SYNE3: variants seen among roughly 807,000 people sequenced by gnomAD.
SYNE3 encodes the protein nesprin-3.
SYNE3 carries 100 observed loss-of-function variants against 111.2 expected under a neutral mutation model. The observed-to-expected ratio is 0.90, with a 90% CI of 0.77 to 1.06. The LOEUF (loss-of-function observed/expected upper bound fraction) is 1.06, where lower values mean the gene tolerates loss of function less well. SYNE3 is among the 50% of genes least tolerant of loss of function. The probability of loss-of-function intolerance (pLI) is 0.00; values close to 1 mark genes in which losing one functional copy is unlikely to be tolerated. For synonymous variants in SYNE3, 547 were observed against 533.9 expected (o/e 1.02, Z -0.34); for missense variants, 1,160 against 1,240.3 (o/e 0.94, Z 0.97).
Position 95,450,004 on chromosome 14 carries a change from G to T in SYNE3, c.1376C>A (p.Ala459Asp), listed in dbSNP as rs1419662487. 2 of 1,555,928 alleles carry T rather than the reference G, an allele frequency of 1.3e-6. No individual in the cohort carries two copies. Among genetic ancestry groups the T allele is most frequent in the Non-Finnish European group, 1.7e-6 (2 of 1,149,594 alleles). Residue 459 changes from alanine to aspartate, a missense_variant, in exon 8 of 18, where the codon GCC becomes GAC. Coordinates refer to ENST00000682763, the MANE Select transcript of SYNE3 (RefSeq NM_152592.6). ...LQDLQLWKALAQRLLEVTASL... is the reference protein window; with the variant it reads ...LQDLQLWKALDQRLLEVTASL... ...GGCAGTGACCTCCAAGAGCCGCTGG[G>T]CCAGGGCCTTCCACAGCTGCAGATC...
At chr14:95,435,584 A>T (rs1886040458) in intron 15 of SYNE3, among the ~76,000 whole-genome samples, 1 of 152,216 alleles carries the variant, frequency 6.6e-6, no homozygotes, top group African/African-American at 2.4e-5. Context: ...AGTAGAAAAA[A>T]ATACAAGTAA....
chr14:95,496,862 A>G (rs377648553), intron 1 of SYNE3, among the ~76,000 whole-genome samples: 2 of 152,350 alleles, frequency 1.3e-5, no homozygotes, highest in South Asian at 2.1e-4. Flanking sequence ...TCTTCCAGCC[A>G]TGAAGCAGCA....
At chr14:95,445,264 T>G (rs1308126491) in intron 9 of SYNE3, among the ~76,000 whole-genome samples, 1 of 152,202 alleles carries the variant, frequency 6.6e-6, no homozygotes, top group Non-Finnish European at 1.5e-5. Flanking sequence ...ATATGGACCA[T>G]GAGCCACCTT....
In SYNE3 at chr14:95,440,056, C is replaced by G; in HGVS notation, c.1931G>C (p.Arg644Pro). 3 of 1,605,424 alleles carry G rather than the reference C, an allele frequency of 1.9e-6. No homozygotes were observed. The highest frequency in any genetic ancestry group is 2.2e-5 in the South Asian group (2 of 90,952). The change falls in exon 12 of 18, where the codon CGG becomes CCG. Residue 644 changes from arginine to proline, a missense_variant. Coordinates refer to ENST00000682763, the MANE Select transcript of SYNE3 (RefSeq NM_152592.6). ...GGTGCAGTGCTCCTGCACACTCTGC[C>G]GACACCTGTCCACAAGGTCCTGCAG... is the stretch of plus-strand genomic sequence containing the variant. ...RSLEDLVDRC[R>P]QSVQEHCTFS... is the part of the protein sequence containing the mutation.
chr14:95,467,838 C>A lies in SYNE3; in HGVS notation c.274G>T (p.Ala92Ser), dbSNP rs35481769. ...TAGGTGACTGTCTCCTCCCATTGGG[C>A]CTTGATGTCCTTCAGCCGGGCCAGG... ...GILARLKDIK[A>S]QWEETVTYMT... The change falls in exon 3 of 18, where the codon GCC becomes TCC. Residue 92 changes from alanine (A) to serine (S), a missense_variant. By Grantham distance (99) the Ala-to-Ser change is moderately conservative (BLOSUM62 1). Coordinates refer to ENST00000682763, the MANE Select transcript of SYNE3 (RefSeq NM_152592.6). The A allele has an allele frequency of 3.9e-3, 6,281 of 1,614,202 alleles. 18 individuals are homozygous for A. The highest frequency in any genetic ancestry group is 6.6e-3 in the Middle Eastern group (40 of 6,062).
At chr14:95,452,062 G>T in intron 7 of SYNE3, 185 bp downstream of exon 7, 1 of 651,764 alleles carries the variant, frequency 1.5e-6, no homozygotes, top group Non-Finnish European at 2.3e-6. Context: ...GGGAGCAAAT[G>T]CAAAACAGTC....
At chr14:95,483,721 A>G (rs1449747027) in intron 1 of SYNE3, among the ~76,000 whole-genome samples, 1 of 152,158 alleles carries the variant, frequency 6.6e-6, no homozygotes, top group East Asian at 1.9e-4. Context: ...CAAAGTGAGG[A>G]GCAATTACTG....
rs115439053 is a variant in SYNE3, at chr14:95,470,155, G to C, written c.145-2188C>G. Among the ~76,000 whole-genome samples the C allele has an allele frequency of 0.023, 3,506 of 152,226 alleles. 139 individuals carry two copies. Among genetic ancestry groups the C allele is most frequent in the African/African-American group, 0.08 (3,336 of 41,512 alleles). ...CCCGAGTCCCTCTCAGCAGCGAGCAGTGATGGGGAAAACAAAAGTACCATA... is the reference window on the plus strand; with the variant it reads ...CCCGAGTCCCTCTCAGCAGCGAGCACTGATGGGGAAAACAAAAGTACCATA... On this transcript the variant is annotated intron_variant, in intron 2 of 17. Transcript: ENST00000682763. This position sits in a 1 kb window ranked among gnomAD's most constrained non-coding sequence, Gnocchi z 4.2.
intron 1 of SYNE3, among the ~76,000 whole-genome samples, chr14:95,512,057 C>T (rs1890741328): frequency 6.6e-6 from 1 of 152,160 alleles, no homozygotes; most frequent in African/African-American, 2.4e-5. Context: ...CTTTAAAAAT[C>T]CTGTTGATCA....
chr14:95,460,620 TG>T (rs1348238551), intron 4 of SYNE3, among the ~76,000 whole-genome samples: 1 of 95,670 alleles, frequency 1.0e-5, no homozygotes, highest in Non-Finnish European at 2.0e-5. Context: ...AATCTGAAAG[TG>T]GAGCAAGCGA....
At position 95,410,852 on chromosome 14, in the gene SYNE3, C is replaced by G. The variant is rs780676329; in HGVS notation, c.*6974G>C. ...AATATTTCAGGGAGCACTGAACGCT[C>G]CAGGGCTGACTTCCCTCCTTACCAA... is the stretch of plus-strand genomic sequence containing the variant. On this transcript the variant is annotated 3_prime_UTR_variant, in exon 18 of 18. Transcript: ENST00000682763. The G allele has an allele frequency of 6.6e-6, 1 of 152,182 alleles. No homozygotes were observed. The highest frequency in any genetic ancestry group is 2.4e-5 in the African/African-American group (1 of 41,432). 9.4% of individuals were successfully genotyped at this position (152,182 alleles called of 1,614,324 possible).
intron 3 of SYNE3, among the ~76,000 whole-genome samples, chr14:95,467,573 A>ATT: frequency 6.6e-6 from 1 of 152,334 alleles, no homozygotes; most frequent in South Asian, 2.1e-4. Context: ...TCTCTTAGGA[A>ATT]TTGTTGACAA....
intron 1 of SYNE3, among the ~76,000 whole-genome samples, chr14:95,478,376 G>A (rs1889018990): frequency 6.6e-6 from 1 of 152,182 alleles, no homozygotes; most frequent in African/African-American, 2.4e-5. Context: ...GAGTCTGTGA[G>A]GGACCTCTGA....
chr14:95,422,130 C>T (rs1028165672), intron 17 of SYNE3, among the ~76,000 whole-genome samples: 3 of 152,172 alleles, frequency 2.0e-5, no homozygotes, highest in African/African-American at 7.2e-5. Flanking sequence ...CCTTCCCTCC[C>T]TGCACCTCTG....
chr14:95,492,651 G>T (rs1169697342), intron 1 of SYNE3, among the ~76,000 whole-genome samples: 1 of 152,154 alleles, frequency 6.6e-6, no homozygotes, highest in African/African-American at 2.4e-5. Flanking sequence ...GAGTGCAGGG[G>T]TTCTGTTGGA....
rs1056422758 is a variant in SYNE3, at chr14:95,500,544, A to C, written c.-15+16052T>G. On this transcript the variant is annotated intron_variant, in intron 1 of 17. Transcript: ENST00000682763. The surrounding 1 kb of genome is among the most constrained non-coding windows in gnomAD (Gnocchi z 4.7). ...CTTTGGCCCAGCCGGACTCAGCGGG[A>C]GGAGGCTGCCTTCCTCCTGGAGCTG... is the stretch of plus-strand genomic sequence containing the variant. Among the ~76,000 whole-genome samples the C allele has an allele frequency of 6.6e-6, 1 of 152,158 alleles. No homozygotes were observed. The highest frequency in any genetic ancestry group is 1.5e-5 in the Non-Finnish European group (1 of 68,030).
chr14:95,426,004 T>C (rs1187754), intron 17 of SYNE3, among the ~76,000 whole-genome samples: 86,807 of 152,022 alleles, frequency 0.57, 26,318 homozygotes, highest in Non-Finnish European at 0.67. Context: ...TCACTGGTCT[T>C]AGTGAAGAAG....
chr14:95,444,284 A>G, intron 10 of SYNE3: 1 of 620,080 alleles, frequency 1.6e-6, no homozygotes, highest in Non-Finnish European at 2.6e-6. Flanking sequence ...GCTGAGCTCA[A>G]GACTCAGTTG....
chr14:95,434,630 T>C (rs1054887143), intron 15 of SYNE3, among the ~76,000 whole-genome samples: 2 of 150,900 alleles, frequency 1.3e-5, no homozygotes, highest in African/African-American at 2.5e-5. Context: ...GCAAATAAAA[T>C]CAACTCTGGA....
Sources: allele counts gnomAD v4.1 joint callset (sites outside exome capture counted in the v4.1 genomes callset), GRCh38; gene constraint gnomAD v4.1.1; non-coding constraint Gnocchi (gnomAD v3.1); transcripts MANE v1.5; gene names NCBI Gene and HGNC (gene_info 2026-07-23, HGNC 2026-07-21).